The following NKTR variants were observed in gnomAD, a reference collection of about 807,000 sequenced individuals.
NKTR encodes the protein natural killer cell triggering receptor.
A neutral mutation model predicts 156.3 loss-of-function variants in NKTR; 67 were observed. That is an observed-to-expected ratio of 0.43 (90% CI 0.35 to 0.53). NKTR has a LOEUF of 0.53. Ranked by LOEUF, NKTR falls within the 20% of genes least tolerant of loss-of-function variation. NKTR has a pLI of 0.01. For missense variants in NKTR, 1,604 were observed against 1,730.9 expected (o/e 0.93, Z 1.30); for synonymous variants, 640 against 596.6 (o/e 1.07, Z -1.06).
intron 6 of NKTR, chr3:42,629,674 A>G (rs1207161089): frequency 5.1e-6 from 5 of 978,054 alleles, no homozygotes; most frequent in African/African-American, 1.8e-5. Context: ...TGCTTGTAGT[A>G]TATAATTCTG....
intron 2 of NKTR, among the ~76,000 whole-genome samples, chr3:42,615,183 A>G (rs1480617073): frequency 6.6e-6 from 1 of 151,550 alleles, no homozygotes; most frequent in Non-Finnish European, 1.5e-5. Context: ...GGTTCAAGCG[A>G]TTCTTTTGCC....
At chr3:42,614,857 T>A (rs546795073) in intron 2 of NKTR, among the ~76,000 whole-genome samples, 4 of 152,304 alleles carry the variant, frequency 2.6e-5, no homozygotes, top group Admixed American at 2.6e-4. Flanking sequence ...TTCAGGATTT[T>A]AAAATTATTT....
chr3:42,638,240 A>G lies in NKTR; in HGVS notation c.2536A>G (p.Lys846Glu), dbSNP rs75382198. 6.2e-7 allele frequency: 1 copy of G among 1,613,032 alleles called. No individual in the cohort carries two copies. The highest frequency in any genetic ancestry group is 8.5e-7 in the Non-Finnish European group (1 of 1,179,814). The stretch of plus-strand genomic sequence containing the variant: ...ACAAGAAAAAAACAGAGGTGAAGAA[A>G]AATCCAAGTCTGAACGGGAATGCCC... Reference protein sequence around the residue: ...NKQEKNRGEEKSKSERECPHS... With the variant: ...NKQEKNRGEEESKSERECPHS... The change falls in exon 13 of 17, where the codon AAA (lysine) becomes GAA (glutamate). Residue 846 changes from lysine to glutamate, a missense_variant. Coordinates refer to ENST00000232978, the MANE Select transcript of NKTR (RefSeq NM_005385.4).
At position 42,638,539 on chromosome 3, in the gene NKTR, T is replaced by C; in HGVS notation, c.2835T>C (p.Asn945=). The part of the protein sequence containing the change: ...SSTNTSLPDD[N]GAWKSSKQRT... ...CAAATACTTCACTGCCTGATGATAA[T>C]GGTGCTTGGAAATCAAGCAAACAGC... The change falls in exon 13 of 17, where the codon AAT becomes AAC. Residue 945 remains asparagine (N), a synonymous_variant. Coordinates refer to ENST00000232978, the MANE Select transcript of NKTR (RefSeq NM_005385.4). 1.2e-6 allele frequency: 2 copies of C among 1,613,722 alleles called. No individual in the cohort carries two copies. Among genetic ancestry groups the C allele is most frequent in the Non-Finnish European group, 1.7e-6 (2 of 1,179,880 alleles).
chr3:42,603,062 G>T (rs1215955093), intron 2 of NKTR: 2 of 151,532 alleles, frequency 1.3e-5, no homozygotes, highest in Admixed American at 1.3e-4. Flanking sequence ...AAAAATAGTA[G>T]ATTGCTGAAG....
In NKTR at chr3:42,633,333, T is replaced by C. The variant is rs551299000; in HGVS notation, c.774-247T>C. The C allele has an allele frequency of 2.4e-6, 3 of 1,252,876 alleles. No homozygotes were observed. In the South Asian group the frequency reaches 5.6e-5, roughly 23 times the overall value. The allele number at this position is 1,252,876 out of a possible 1,614,324, so 77.6% of individuals were successfully genotyped here. ...CTGGGATTACAGGTGTGAGCCACAA[T>C]GCCTGGCCTCCTGGAACTCTTAAAA... On this transcript the variant is annotated intron_variant, in intron 9 of 16. Coordinates refer to ENST00000232978, the MANE Select transcript of NKTR (RefSeq NM_005385.4).
intron 6 of NKTR, 102 bp from the exon 7 acceptor site, chr3:42,630,444 T>A: frequency 6.3e-7 from 1 of 1,578,198 alleles, no homozygotes; most frequent in Non-Finnish European, 8.6e-7. Flanking sequence ...TCTTTTTATC[T>A]TTACTTCTTT....
intron 9 of NKTR, 27 bp downstream of exon 9, chr3:42,632,850 T>TA: frequency 6.7e-7 from 1 of 1,497,686 alleles, no homozygotes; most frequent in Non-Finnish European, 8.9e-7. Flanking sequence ...AATGTACTCT[T>TA]ACCTAAAAAC....
chr3:42,618,875 A>C, intron 3 of NKTR, 145 bp from the exon 4 acceptor site: 1 of 674,432 alleles, frequency 1.5e-6, no homozygotes, highest in South Asian at 2.1e-5. Flanking sequence ...TGTGTATGTT[A>C]AATTATCATG....
At position 42,638,548 on chromosome 3, in the gene NKTR, G is replaced by T. The variant is rs1709614939; in HGVS notation, c.2844G>T (p.Trp948Cys). 1 of 1,613,676 alleles carries T rather than the reference G, an allele frequency of 6.2e-7. No homozygotes were observed. The highest frequency in any genetic ancestry group is 1.7e-5 in the Admixed American group (1 of 59,930). Residue 948 changes from tryptophan (W) to cysteine (C), a missense_variant, in exon 13 of 17, where the codon TGG (tryptophan) becomes TGT (cysteine). By Grantham distance (215) the Trp-to-Cys change is radical (BLOSUM62 -2). Transcript: ENST00000232978. ...CACTGCCTGATGATAATGGTGCTTG[G>T]AAATCAAGCAAACAGCGCACATCAA... is the stretch of plus-strand genomic sequence containing the variant. ...NTSLPDDNGA[W>C]KSSKQRTSTS...
intron 13 of NKTR, among the ~76,000 whole-genome samples, chr3:42,640,578 T>C (rs1480693657): frequency 6.6e-6 from 1 of 152,202 alleles, no homozygotes; most frequent in African/African-American, 2.4e-5. Context: ...TATTCATCAG[T>C]CTTTCTTCCC....
chr3:42,611,746 A>T (rs1039996604), intron 2 of NKTR, among the ~76,000 whole-genome samples: 16 of 151,678 alleles, frequency 1.1e-4, no homozygotes, highest in Admixed American at 2.6e-4. Flanking sequence ...AAAAAAAAAA[A>T]AAATGTATGC....
chr3:42,607,318 A>T (rs909350072), intron 2 of NKTR, among the ~76,000 whole-genome samples: 4 of 152,172 alleles, frequency 2.6e-5, no homozygotes, highest in Non-Finnish European at 5.9e-5. Context: ...TGCAACCCCC[A>T]TGGTAATAAC....
At chr3:42,603,087 C>A (rs1176570670) in intron 2 of NKTR, 3 of 150,952 alleles carry the variant, frequency 2.0e-5, no homozygotes, top group African/African-American at 7.3e-5. Context: ...GAAGTATGAC[C>A]AAGCATGGTG....
intron 2 of NKTR, among the ~76,000 whole-genome samples, chr3:42,608,665 C>G (rs1319851490): frequency 6.6e-6 from 1 of 152,204 alleles, no homozygotes; most frequent in African/African-American, 2.4e-5. Flanking sequence ...CCTCTTCTCT[C>G]TCTGAAGGTT....
At position 42,646,202 on chromosome 3, in the gene NKTR, G is replaced by A. The variant is rs564405103; in HGVS notation, c.*227G>A. 2 of 371,204 alleles carry A rather than the reference G, an allele frequency of 5.4e-6. No individual in the cohort carries two copies. Among genetic ancestry groups the A allele is most frequent in the African/African-American group, 2.1e-5 (1 of 48,262 alleles). 23.0% of individuals were successfully genotyped at this position (371,204 alleles called of 1,614,324 possible). On this transcript the variant is annotated 3_prime_UTR_variant, in exon 17 of 17. Coordinates refer to ENST00000232978, the MANE Select transcript of NKTR (RefSeq NM_005385.4). ...TTTTACAGTAGCCAACTATGGAAAT[G>A]AATTTCATTTTCTTGAATCAAGAAA...
At chr3:42,642,466 ATAAT>A in intron 13 of NKTR, 31 bp from the exon 14 acceptor site, 1 of 1,479,448 alleles carries the variant, frequency 6.8e-7, no homozygotes, top group Non-Finnish European at 9.5e-7. Flanking sequence ...ATGAGTCAAC[ATAAT>A]TATATATTTT....
chr3:42,605,614 A>G (rs1209111857), intron 2 of NKTR, among the ~76,000 whole-genome samples: 1 of 152,204 alleles, frequency 6.6e-6, no homozygotes, highest in Non-Finnish European at 1.5e-5. Flanking sequence ...TCAAAATTAA[A>G]CTAAACTTTA....
chr3:42,607,522 T>C (rs1160621025), intron 2 of NKTR, among the ~76,000 whole-genome samples: 1 of 150,268 alleles, frequency 6.7e-6, no homozygotes, highest in Non-Finnish European at 1.5e-5. Context: ...AAAAAAAAGA[T>C]GGAGACTGTT....
Sources: gnomAD v4.1 joint callset for allele counts (sites outside exome capture counted in the v4.1 genomes callset) on GRCh38, gnomAD v4.1.1 for gene constraint, MANE v1.5 for transcripts, NCBI Gene and HGNC (gene_info 2026-07-23, HGNC 2026-07-21) for gene names.